Variants in CACNA1B observed in about 807,000 individuals in gnomAD.
CACNA1B encodes calcium voltage-gated channel subunit alpha1 B, also known as voltage-dependent N-type calcium channel subunit alpha-1B.
In CACNA1B, 70 loss-of-function variants were observed where a neutral mutation model predicts 247.2. The ratio of observed to expected loss-of-function variants is 0.28; its 90% CI spans 0.23 to 0.35. The LOEUF (loss-of-function observed/expected upper bound fraction) is 0.35. CACNA1B is among the 10% of genes least tolerant of loss of function. The pLI, the probability that CACNA1B is intolerant of heterozygous loss-of-function variation, is 1.00. For missense variants in CACNA1B, 2,367 were observed against 3,197.4 expected, an observed-to-expected ratio of 0.74 and a Z score of 6.26; for synonymous variants, 1,231 against 1,294.4, an observed-to-expected ratio of 0.95 and a Z score of 1.05.
chr9:138,045,790 G>C (rs1057046624), intron 21 of CACNA1B, among the ~76,000 whole-genome samples: 13 of 152,298 alleles, frequency 8.5e-5, no homozygotes, highest in Non-Finnish European at 1.6e-4. Flanking sequence ...CGGTGGGCCA[G>C]GGATGAACAG....
In CACNA1B at chr9:138,051,188, C is replaced by T. The variant is rs1321487767; in HGVS notation, c.3711-904C>T. 6.6e-6 allele frequency among the ~76,000 whole-genome samples: 1 copy of T among 152,136 alleles called. No homozygotes were observed. Among genetic ancestry groups the T allele is most frequent in the Non-Finnish European group, 1.5e-5 (1 of 68,030 alleles). Reference sequence around the variant, plus strand: ...AGGAGGAAATCTCTCCTAGACACTGCTGGCCCGGCCTCAGTAGGGTCGTGG... The same window carrying T: ...AGGAGGAAATCTCTCCTAGACACTGTTGGCCCGGCCTCAGTAGGGTCGTGG... On this transcript the variant is annotated intron_variant, in intron 24 of 46. Coordinates refer to ENST00000371372, the MANE Select transcript of CACNA1B (RefSeq NM_000718.4). The surrounding 1 kb of genome is among the most constrained non-coding windows in gnomAD (Gnocchi z 4.3).
At chr9:138,107,289 C>T (rs1038852244) in intron 39 of CACNA1B, among the ~76,000 whole-genome samples, 22 of 150,962 alleles carry the variant, frequency 1.5e-4, no homozygotes, top group African/African-American at 5.1e-4. Flanking sequence ...CTGTGTCACC[C>T]AGGCTGGAGT....
chr9:138,121,640 C>T lies in CACNA1B; in HGVS notation c.6661C>T (p.Pro2221Ser), dbSNP rs1384021278. The T allele has an allele frequency of 1.2e-6, 2 of 1,613,078 alleles. No individual in the cohort carries two copies. The highest frequency in any genetic ancestry group is 1.7e-5 in the Admixed American group (1 of 59,982). The change falls in exon 47 of 47, where the codon CCT becomes TCT. Residue 2221 changes from proline (P) to serine (S), a missense_variant. Pro to Ser is a moderately conservative substitution (Grantham distance 74). This residue lies in a region of CACNA1B where 773 missense variants were observed against 779.4 expected (regional missense o/e 0.99). Transcript: ENST00000371372. This position sits in a 1 kb window ranked among gnomAD's most constrained non-coding sequence, Gnocchi z 6.8. Reference sequence around the variant, plus strand: ...CTTCGCCGGGGCTCAGACCAGCCTCCCTGCCTTCTCCCCAGGCCGGCTCAG... The same window carrying T: ...CTTCGCCGGGGCTCAGACCAGCCTCTCTGCCTTCTCCCCAGGCCGGCTCAG... ...IHFAGAQTSL[P>S]AFSPGRLSRG...
At chr9:138,090,501 T>C (rs752874474) in intron 36 of CACNA1B, among the ~76,000 whole-genome samples, 2 of 151,308 alleles carry the variant, frequency 1.3e-5, no homozygotes, top group African/African-American at 2.4e-5. Context: ...TGGGCAAAAA[T>C]TGTATGGAGA....
intron 6 of CACNA1B, among the ~76,000 whole-genome samples, chr9:137,937,045 G>A (rs867095416): frequency 2.6e-5 from 4 of 152,054 alleles, no homozygotes; most frequent in Admixed American, 6.6e-5. Flanking sequence ...GATGGGGATG[G>A]CATTGAATCT....
At chr9:138,067,066 C>T (rs983574795) in intron 31 of CACNA1B, among the ~76,000 whole-genome samples, 13 of 152,038 alleles carry the variant, frequency 8.6e-5, no homozygotes, top group African/African-American at 3.1e-4. Flanking sequence ...GAGAGAGTAA[C>T]GTGAATAACG....
intron 6 of CACNA1B, among the ~76,000 whole-genome samples, chr9:137,945,102 G>A (rs977972881): frequency 7.2e-5 from 11 of 152,230 alleles, no homozygotes; most frequent in African/African-American, 2.7e-4. Context: ...TTGCAGGATG[G>A]TGTTGTAATT....
chr9:138,116,300 G>A (rs987386912), intron 42 of CACNA1B, among the ~76,000 whole-genome samples: 1 of 152,228 alleles, frequency 6.6e-6, no homozygotes, highest in South Asian at 2.1e-4. Context: ...AATTGGTAAG[G>A]TTCTTTTGTA....
rs922882736 is a variant in CACNA1B, at chr9:137,891,719, G to C, written c.530+8836G>C. ...CTTCTCGGGCCCTGGACTAGAAGAG[G>C]TGAGAAGGCAGGTGCTGGCTGTGGG... is the stretch of plus-strand genomic sequence containing the variant. On this transcript the variant is annotated intron_variant, in intron 3 of 46. Transcript: ENST00000371372. This position sits in a 1 kb window ranked among gnomAD's most constrained non-coding sequence, Gnocchi z 4.3. 2 of 279,474 alleles carry C rather than the reference G, an allele frequency of 7.2e-6. No individual in the cohort carries two copies. The highest frequency in any genetic ancestry group is 1.4e-5 in the Non-Finnish European group (2 of 143,154). 17.3% of individuals were successfully genotyped at this position (279,474 alleles called of 1,614,324 possible).
intron 25 of CACNA1B, among the ~76,000 whole-genome samples, 171 bp from the exon 26 acceptor site, chr9:138,053,675 A>C (rs1589098937): frequency 1.6e-4 from 8 of 48,682 alleles, no homozygotes; most frequent in African/African-American, 3.9e-4. Flanking sequence ...CCATGGCTCC[A>C]CCCCTTTCCT....
chr9:137,995,022 T>TGATG (rs1255453270), intron 15 of CACNA1B, among the ~76,000 whole-genome samples: 2 of 151,884 alleles, frequency 1.3e-5, no homozygotes, highest in African/African-American at 4.8e-5. Flanking sequence ...CTGACCAACA[T>TGATG]GATGAAACCC....
At chr9:138,021,462 C>G (rs187301552) in intron 18 of CACNA1B, among the ~76,000 whole-genome samples, 2 of 152,234 alleles carry the variant, frequency 1.3e-5, no homozygotes, top group East Asian at 3.8e-4. Context: ...TGGGGTGGGC[C>G]GGCTGCAGGG....
rs188627927 is a variant in CACNA1B at position 138,102,299 on chromosome 9, G to T, written c.5223-412G>T. On this transcript the variant is annotated intron_variant, in intron 37 of 46. Transcript: ENST00000371372. The surrounding 1 kb of genome is among the most constrained non-coding windows in gnomAD (Gnocchi z 5.4). ...CCTCATCTGCCACCTGACCCCGCCT[G>T]CCAGCTCTTCTGGCAGGGTGGACCA... 6.6e-6 allele frequency among the ~76,000 whole-genome samples: 1 copy of T among 152,260 alleles called. No individual in the cohort carries two copies. Among genetic ancestry groups the T allele is most frequent in the Admixed American group, 6.5e-5 (1 of 15,308 alleles).
chr9:138,019,735 C>A (rs1268446267), intron 18 of CACNA1B, among the ~76,000 whole-genome samples: 1 of 152,144 alleles, frequency 6.6e-6, no homozygotes, highest in Non-Finnish European at 1.5e-5. Flanking sequence ...CTGTCAGAGG[C>A]ACTGATGTCT....
chr9:138,061,401 C>G (rs1296669598), intron 31 of CACNA1B, among the ~76,000 whole-genome samples: 2 of 152,118 alleles, frequency 1.3e-5, no homozygotes, highest in South Asian at 2.1e-4. Flanking sequence ...TGAGACAGGC[C>G]CCTTCTTCTT....
Position 138,005,266 on chromosome 9 carries a change from C to G in CACNA1B, c.1975-1501C>G, listed in dbSNP as rs911665300. On this transcript the variant is annotated intron_variant, in intron 15 of 46. Transcript: ENST00000371372. ...TACAGAAAATATGGTGTATATATAA[C>G]AGAACACTATTCAGCCACAAAAAGA... Among the ~76,000 whole-genome samples, 35 of 152,226 alleles carry G rather than the reference C, an allele frequency of 2.3e-4. 1 individual carries two copies. The highest frequency in any genetic ancestry group is 8.4e-4 in the African/African-American group (35 of 41,464).
rs1040958774 is a variant in CACNA1B at position 137,955,623 on chromosome 9, C to G, written c.1071-75C>G. The G allele has an allele frequency of 7.0e-6, 7 of 995,362 alleles. No individual in the cohort carries two copies. Among genetic ancestry groups the G allele is most frequent in the Non-Finnish European group, 1.1e-5 (7 of 657,364 alleles). 61.7% of individuals were successfully genotyped at this position (995,362 alleles called of 1,614,324 possible). On this transcript the variant is annotated intron_variant, in intron 7 of 46. Coordinates refer to ENST00000371372, the MANE Select transcript of CACNA1B (RefSeq NM_000718.4). The surrounding 1 kb of genome is among the most constrained non-coding windows in gnomAD (Gnocchi z 6.9). ...CTCCTGTCCCAGGCTTTCCCTGGTC[C>G]TTTTTGTCTCTGGGGCTGCACACCT... is the stretch of plus-strand genomic sequence containing the variant.
intron 37 of CACNA1B, among the ~76,000 whole-genome samples, chr9:138,096,831 G>C (rs1961072782): frequency 6.7e-6 from 1 of 149,044 alleles, no homozygotes; most frequent in South Asian, 2.2e-4. Context: ...GGCCCGGACT[G>C]CATAAAGTGA....
rs72769046 is a variant in CACNA1B at position 137,927,572 on chromosome 9, T to G, written c.966+10141T>G. ...TATGCAAGAGTTTATTTTGGGACTCTGTATTCTATCCCCTTGGTCTGCGTA... is the reference window on the plus strand; with the variant it reads ...TATGCAAGAGTTTATTTTGGGACTCGGTATTCTATCCCCTTGGTCTGCGTA... On this transcript the variant is annotated intron_variant, in intron 6 of 46. Coordinates refer to ENST00000371372, the MANE Select transcript of CACNA1B (RefSeq NM_000718.4). Among the ~76,000 whole-genome samples the G allele has an allele frequency of 2.1e-3, 321 of 152,340 alleles. 3 individuals are homozygous for G. The highest frequency in any genetic ancestry group is 3.5e-3 in the Non-Finnish European group (236 of 68,030).
Sources: gnomAD v4.1 joint callset for allele counts (sites outside exome capture counted in the v4.1 genomes callset) on GRCh38, gnomAD v4.1.1 for gene constraint, gnomAD v4.1.1 regional missense constraint, Gnocchi (gnomAD v3.1) non-coding constraint, MANE v1.5 for transcripts, NCBI Gene and HGNC (gene_info 2026-07-23, HGNC 2026-07-21) for gene names.